The following BAP1 variants were observed in gnomAD, a reference collection of about 807,000 sequenced individuals.
BAP1 encodes the protein ubiquitin carboxyl-terminal hydrolase BAP1.
BAP1 carries 16 observed loss-of-function variants against 77.2 expected under a neutral mutation model. That is an observed-to-expected ratio of 0.21 (90% confidence interval 0.14 to 0.31). The LOEUF (loss-of-function observed/expected upper bound fraction) is 0.31. Ranked by LOEUF, BAP1 falls within the 10% of genes least tolerant of loss-of-function variation. The pLI is 1.00. For missense variants in BAP1, 699 were observed against 967.3 expected, an observed-to-expected ratio of 0.72 and a Z score of 3.68; for synonymous variants, 362 against 385.2, an observed-to-expected ratio of 0.94 and a Z score of 0.71.
chr3:52,402,524 G>T lies in BAP1; in HGVS notation c.2056+78C>A. 6.2e-7 allele frequency: 1 copy of T among 1,611,504 alleles called. No individual in the cohort carries two copies. Among genetic ancestry groups the T allele is most frequent in the Non-Finnish European group, 8.5e-7 (1 of 1,178,380 alleles). ...GCCCCAAGGTCTGCTCAAGCCTCAG[G>T]AGAGGCCAGGGGAGGGGAGCTGAAG... On this transcript the variant is annotated intron_variant, in intron 16 of 16. Coordinates refer to ENST00000460680, the MANE Select transcript of BAP1 (RefSeq NM_004656.4). This position sits in a 1 kb window ranked among gnomAD's most constrained non-coding sequence, Gnocchi z 5.3.
chr3:52,403,015 C>T lies in BAP1; in HGVS notation c.1890+123G>A. The T allele has an allele frequency of 6.3e-7, 1 of 1,595,560 alleles. No individual in the cohort carries two copies. Among genetic ancestry groups the T allele is most frequent in the Non-Finnish European group, 8.5e-7 (1 of 1,175,594 alleles). The stretch of plus-strand genomic sequence containing the variant: ...CCACCCAACCCAGAAAGTCTTCTGG[C>T]ACATGGCTCCAGCCACCAATCTTCA... On this transcript the variant is annotated intron_variant, in intron 14 of 16. Coordinates refer to ENST00000460680, the MANE Select transcript of BAP1 (RefSeq NM_004656.4). The surrounding 1 kb of genome is among the most constrained non-coding windows in gnomAD (Gnocchi z 4.0).
Position 52,405,757 on chromosome 3 carries a change from C to A in BAP1, c.931+8G>T, listed in dbSNP as rs573724882. ...GAGGTCCACAAGAGGTCCCAAACCC[C>A]CCAGTACCTGTGTGGTTGCCCTCAG... On this transcript the variant is annotated splice_region_variant and intron_variant, in intron 10 of 16. Transcript: ENST00000460680. 1 of 1,612,792 alleles carries A rather than the reference C, an allele frequency of 6.2e-7. No homozygotes were observed. Among genetic ancestry groups the A allele is most frequent in the Non-Finnish European group, 8.5e-7 (1 of 1,180,010 alleles).
intron 5 of BAP1, 29 bp from the exon 6 acceptor site, chr3:52,407,489 G>C (rs2153227998): frequency 6.2e-7 from 1 of 1,613,962 alleles, no homozygotes. Context: ...GGCCGTATCA[G>C]AATAATTTCT....
chr3:52,405,570 C>CCAGG, intron 10 of BAP1, 195 bp downstream of exon 10: 1 of 796,130 alleles, frequency 1.3e-6, no homozygotes, highest in East Asian at 2.7e-5. Context: ...AGAGAAGGGC[C>CCAGG]CAGGGGCCTG....
At position 52,405,176 on chromosome 3, in the gene BAP1, G is replaced by A. The variant is rs2153227030; in HGVS notation, c.1050C>T (p.Pro350=). 3 of 1,614,156 alleles carry A rather than the reference G, an allele frequency of 1.9e-6. No homozygotes were observed. Among genetic ancestry groups the A allele is most frequent in the Non-Finnish European group, 2.5e-6 (3 of 1,180,026 alleles). ...CCGGCAGCCGCTGGACAATGGGAGT[G>A]GGGTTGGGGTGAACCCCATTGAGGC... is the stretch of plus-strand genomic sequence containing the variant. ...GSSLNGVHPN[P]TPIVQRLPAF... The change falls in exon 11 of 17, where the codon CCC becomes CCT. Residue 350 remains proline (P), a synonymous_variant. Transcript: ENST00000460680.
Position 52,403,418 on chromosome 3 carries a change from G to C in BAP1, c.1727C>G (p.Thr576Arg), listed in dbSNP as rs374920141. 6.2e-7 allele frequency: 1 copy of C among 1,613,564 alleles called. No homozygotes were observed. The highest frequency in any genetic ancestry group is 1.7e-5 in the Admixed American group (1 of 60,014). ...EDGVLSPLAL[T>R]EGGKGSSPSI... ...CAGTGAGCCAGTCCAAGGCCCACCT[G>C]TCAGCGCCAGGGGACTCAGCACCCC... The change falls in exon 13 of 17, where the codon ACA (threonine) becomes AGA (arginine). Residue 576 changes from threonine (T) to arginine (R), a missense_variant and splice_region_variant. Coordinates refer to ENST00000460680, the MANE Select transcript of BAP1 (RefSeq NM_004656.4). The surrounding 1 kb of genome is among the most constrained non-coding windows in gnomAD (Gnocchi z 4.0).
rs77722216 is a variant in BAP1 at position 52,403,825 on chromosome 3, C to T, written c.1320G>A (p.Leu440=). 1.2e-4 allele frequency: 192 copies of T among 1,614,104 alleles called. 2 individuals are homozygous for T. In the African/African-American group the frequency reaches 2.3e-3, roughly 19 times the overall value. ...CCAAGACGTTGATGGTGTTGGGCTG[C>T]AGCACTGACAGTTGCCCATCAGCAG... ...SGSADGQLSV[L]QPNTINVLAE... Residue 440 remains leucine (L), a synonymous_variant, in exon 13 of 17, where the codon CTG becomes CTA. Transcript: ENST00000460680. This position sits in a 1 kb window ranked among gnomAD's most constrained non-coding sequence, Gnocchi z 4.0.
At chr3:52,409,165 G>C (rs1705269549) in intron 3 of BAP1, among the ~76,000 whole-genome samples, 1 of 152,206 alleles carries the variant, frequency 6.6e-6, no homozygotes. Context: ...GAGGGGCCTT[G>C]TCACCCCAAC....
In BAP1 at chr3:52,403,288, C is replaced by T. The variant is rs1438648758; in HGVS notation, c.1740G>A (p.Lys580=). The change falls in exon 14 of 17, where the codon AAG becomes AAA. Residue 580 remains lysine (K), a synonymous_variant. Transcript: ENST00000460680. The surrounding 1 kb of genome is among the most constrained non-coding windows in gnomAD (Gnocchi z 4.0). ...LSPLALTEGG[K]GSSPSIRPIQ... Reference sequence around the variant, plus strand: ...TTGGTCTGATGGAGGGCGAGGAACCCTTCCCACCCTCTGGGAAGAGAGGTC... The same window carrying T: ...TTGGTCTGATGGAGGGCGAGGAACCTTTCCCACCCTCTGGGAAGAGAGGTC... 1 of 1,613,804 alleles carries T rather than the reference C, an allele frequency of 6.2e-7. No homozygotes were observed. The highest frequency in any genetic ancestry group is 2.2e-5 in the East Asian group (1 of 44,898).
Position 52,402,474 on chromosome 3 carries a change from C to T in BAP1, c.2057-53G>A. 6.3e-7 allele frequency: 1 copy of T among 1,586,574 alleles called. No homozygotes were observed. Among genetic ancestry groups the T allele is most frequent in the Non-Finnish European group, 8.6e-7 (1 of 1,166,838 alleles). On this transcript the variant is annotated intron_variant, in intron 16 of 16. Coordinates refer to ENST00000460680, the MANE Select transcript of BAP1 (RefSeq NM_004656.4). This position sits in a 1 kb window ranked among gnomAD's most constrained non-coding sequence, Gnocchi z 5.3. ...GGTGCTGGCTGCCTCAGGCCAGGAG[C>T]TGAGGCTCTCATGGCCCTCCCTGTG...
chr3:52,403,317 A>G lies in BAP1; in HGVS notation c.1730-19T>C, dbSNP rs1553644761. The G allele has an allele frequency of 6.2e-7, 1 of 1,613,446 alleles. No homozygotes were observed. ...CCACCCTCTGGGAAGAGAGGTCACA[A>G]GAAAATCATCAGAGTGCAGGACACT... On this transcript the variant is annotated intron_variant, in intron 13 of 16. Transcript: ENST00000460680. This position sits in a 1 kb window ranked among gnomAD's most constrained non-coding sequence, Gnocchi z 4.0.
At chr3:52,408,864 GTCTATAGT>G (rs1325371877) in intron 3 of BAP1, among the ~76,000 whole-genome samples, 1 of 152,212 alleles carries the variant, frequency 6.6e-6, no homozygotes, top group East Asian at 1.9e-4. Context: ...TCCTTATGAA[GTCTATAGT>G]TCTGGGTAAG....
In BAP1 at chr3:52,403,735, C is replaced by T. The variant is rs764923860; in HGVS notation, c.1410G>A (p.Gly470=). ...GCACTGCCACAGCCGGACTCCCAGC[C>T]CCGCTGCTAGTCTTGATGGACAGAG... ...SIPLSIKTSS[G]AGSPAVAVPT... is the part of the protein sequence containing the mutation. The change falls in exon 13 of 17, where the codon GGG becomes GGA. Residue 470 remains glycine, a synonymous_variant. Coordinates refer to ENST00000460680, the MANE Select transcript of BAP1 (RefSeq NM_004656.4). This position sits in a 1 kb window ranked among gnomAD's most constrained non-coding sequence, Gnocchi z 4.0. 4 of 1,614,056 alleles carry T rather than the reference C, an allele frequency of 2.5e-6. No individual in the cohort carries two copies. Among genetic ancestry groups the T allele is most frequent in the Non-Finnish European group, 3.4e-6 (4 of 1,180,012 alleles).
rs764582365 is a variant in BAP1 at position 52,402,586 on chromosome 3, C to T, written c.2056+16G>A. ...CAGCAGGGCATTCCAGTTAAGACAG[C>T]AGCGCATCCCCTCACCTTCCTGAGC... On this transcript the variant is annotated intron_variant, in intron 16 of 16. Transcript: ENST00000460680. The surrounding 1 kb of genome is among the most constrained non-coding windows in gnomAD (Gnocchi z 5.3). 6.2e-7 allele frequency: 1 copy of T among 1,614,012 alleles called. No individual in the cohort carries two copies. Among genetic ancestry groups the T allele is most frequent in the Non-Finnish European group, 8.5e-7 (1 of 1,179,916 alleles).
intron 4 of BAP1, 88 bp from the exon 5 acceptor site, chr3:52,408,165 G>A (rs1578227707): frequency 1.3e-6 from 2 of 1,547,834 alleles, no homozygotes; most frequent in East Asian, 4.9e-5. Context: ...ATCCAGAGCA[G>A]GTCAGTCATA....
Position 52,403,543 on chromosome 3 carries a change from C to T in BAP1, c.1602G>A (p.Glu534=), listed in dbSNP as rs1227347256. Residue 534 remains glutamate (E), a synonymous_variant, in exon 13 of 17, where the codon GAG becomes GAA. Coordinates refer to ENST00000460680, the MANE Select transcript of BAP1 (RefSeq NM_004656.4). This position sits in a 1 kb window ranked among gnomAD's most constrained non-coding sequence, Gnocchi z 4.0. ...TSHISKVLFG[E]DDSLLRVDCI... ...AGTCAACACGCAGCAGGCTGTCATC[C>T]TCTCCAAAAAGCACCTTGGAGATGT... 2.5e-6 allele frequency: 4 copies of T among 1,614,134 alleles called. No homozygotes were observed. Among genetic ancestry groups the T allele is most frequent in the Non-Finnish European group, 3.4e-6 (4 of 1,180,006 alleles).
At position 52,406,906 on chromosome 3, in the gene BAP1, C is replaced by A. The variant is rs2153227664; in HGVS notation, c.582G>T (p.Gly194=). ...DGLKVYPIDH[G]PWGEDEEWTD... ...TCCACTCCTCGTCCTCCCCCCAGGG[C>A]CCTAGTGGAGACCAAGACAAGGAAT... Residue 194 remains glycine, a splice_region_variant and synonymous_variant, in exon 8 of 17, where the codon GGG becomes GGT. Coordinates refer to ENST00000460680, the MANE Select transcript of BAP1 (RefSeq NM_004656.4). The surrounding 1 kb of genome is among the most constrained non-coding windows in gnomAD (Gnocchi z 4.6). 6.4e-7 allele frequency: 1 copy of A among 1,571,100 alleles called. No homozygotes were observed. The highest frequency in any genetic ancestry group is 1.9e-5 in the Admixed American group (1 of 53,800).
rs372265065 is a variant in BAP1 at position 52,408,623 on chromosome 3, G to A, written c.123-17C>T. ...TATACAGGGCTGGGGGAAGTAAGGG[G>A]CAGAGCCAGATCAGCCAAAGGGGAG... On this transcript the variant is annotated splice_polypyrimidine_tract_variant and intron_variant, in intron 3 of 16. Transcript: ENST00000460680. 5.0e-6 allele frequency: 8 copies of A among 1,606,300 alleles called. No individual in the cohort carries two copies. Among genetic ancestry groups the A allele is most frequent in the South Asian group, 3.4e-5 (3 of 89,496 alleles).
rs1238632840 is a variant in BAP1, at chr3:52,408,026, A to G, written c.307T>C (p.Cys103Arg). The G allele has an allele frequency of 1.2e-6, 2 of 1,613,754 alleles. No individual in the cohort carries two copies. The highest frequency in any genetic ancestry group is 1.7e-6 in the Non-Finnish European group (2 of 1,179,870). Residue 103 changes from cysteine to arginine, a missense_variant, in exon 5 of 17, where the codon TGC (cysteine) becomes CGC (arginine). Coordinates refer to ENST00000460680, the MANE Select transcript of BAP1 (RefSeq NM_004656.4). The stretch of plus-strand genomic sequence containing the variant: ...GTGGGTCCCAGGTCCACGCTGCTGC[A>G]GTTCAGGAGCACGCTCAGCAAGGCA... ...THALLSVLLN[C>R]SSVDLGPTLS...
Sources: gnomAD v4.1 joint callset for allele counts (sites outside exome capture counted in the v4.1 genomes callset) on GRCh38, gnomAD v4.1.1 for gene constraint, Gnocchi (gnomAD v3.1) non-coding constraint, MANE v1.5 for transcripts, NCBI Gene and HGNC (gene_info 2026-07-23, HGNC 2026-07-21) for gene names.